Variants in DCAF1 observed in about 807,000 individuals in gnomAD.
DCAF1 encodes DDB1 and CUL4 associated factor 1.
DCAF1 carries 15 observed loss-of-function variants against 128.0 expected under a neutral mutation model. The observed-to-expected ratio is 0.12, with a 90% CI of 0.08 to 0.18. DCAF1 has a LOEUF of 0.18. Ranked by LOEUF, DCAF1 falls within the 10% of genes least tolerant of loss-of-function variation. The probability of loss-of-function intolerance (pLI) is 1.00; values close to 1 mark genes in which losing one functional copy is unlikely to be tolerated. For missense variants in DCAF1, 988 were observed against 1,649.5 expected, an observed-to-expected ratio of 0.60 and a Z score of 6.95; for synonymous variants, 610 against 603.0, an observed-to-expected ratio of 1.01 and a Z score of -0.17.
In DCAF1 at chr3:51,436,572, A is replaced by T. The variant is rs144932504; in HGVS notation, c.1129-3308T>A. Among the ~76,000 whole-genome samples, 523 of 152,280 alleles carry T rather than the reference A, an allele frequency of 3.4e-3. 17 individuals carry two copies. Among genetic ancestry groups the T allele is most frequent in the Admixed American group, 0.031 (480 of 15,276 alleles). Reference sequence around the variant, plus strand: ...CAATAATTTTGAAATGAGTTCTAGGATGTATTTTTCTTCTTGTATCTTTCC... The same window carrying T: ...CAATAATTTTGAAATGAGTTCTAGGTTGTATTTTTCTTCTTGTATCTTTCC... On this transcript the variant is annotated intron_variant, in intron 9 of 24. Coordinates refer to ENST00000684031, the MANE Select transcript of DCAF1 (RefSeq NM_001387579.1).
At chr3:51,412,539 G>A (rs896791334) in intron 22 of DCAF1, 59 bp from the exon 23 acceptor site, 32 of 1,607,880 alleles carry the variant, frequency 2.0e-5, no homozygotes, top group Admixed American at 1.5e-4. Context: ...CCACATCCAC[G>A]CCTCAGCCCT....
chr3:51,413,571 C>T (rs1280639209), intron 20 of DCAF1, among the ~76,000 whole-genome samples, 185 bp from the exon 21 acceptor site: 1 of 152,132 alleles, frequency 6.6e-6, no homozygotes, highest in Admixed American at 6.6e-5. Context: ...CTTGCATATC[C>T]CACCTATTGT....
At chr3:51,417,037 C>T (rs1157967185) in intron 17 of DCAF1, among the ~76,000 whole-genome samples, 166 bp from the exon 18 acceptor site, 1 of 152,122 alleles carries the variant, frequency 6.6e-6, no homozygotes, top group Non-Finnish European at 1.5e-5. Context: ...AAGAAAATTC[C>T]TTCTATCACC....
intron 1 of DCAF1, among the ~76,000 whole-genome samples, chr3:51,499,585 C>A (rs1259042682): frequency 6.6e-6 from 1 of 151,764 alleles, no homozygotes; most frequent in Non-Finnish European, 1.5e-5. Flanking sequence ...GGCGGACACA[C>A]CCCGCCCCCC....
chr3:51,447,001 A>ATAATAATAATAAT (rs1553640365), intron 6 of DCAF1, among the ~76,000 whole-genome samples: 2 of 148,492 alleles, frequency 1.3e-5, no homozygotes, highest in Non-Finnish European at 1.5e-5. Context: ...AATAATAATA[A>ATAATAATAATAAT]AATGTTTTAA....
upstream of DCAF1, among the ~76,000 whole-genome samples, chr3:51,502,358 C>A (rs1708840877): frequency 6.6e-6 from 1 of 152,088 alleles, no homozygotes; most frequent in African/African-American, 2.4e-5. Context: ...CATAGAGAGA[C>A]ACCCCCACCC....
intron 24 of DCAF1, among the ~76,000 whole-genome samples, chr3:51,399,193 G>C (rs1553624189): frequency 6.6e-6 from 1 of 152,160 alleles, no homozygotes; most frequent in East Asian, 1.9e-4. Flanking sequence ...ATGGCCCTTG[G>C]CCTCTGCTGT....
rs889886984 is a variant in DCAF1, at chr3:51,451,398, T to C, written c.376-7495A>G. On this transcript the variant is annotated intron_variant, in intron 6 of 24. Transcript: ENST00000684031. The stretch of plus-strand genomic sequence containing the variant: ...TGGGAAACCAAGCCAGGGAGGATCA[T>C]TTGAGCTCAGGAGTTCAAGACCAGC... Among the ~76,000 whole-genome samples the C allele has an allele frequency of 2.0e-5, 3 of 152,020 alleles. No individual in the cohort carries two copies. The East Asian group carries it at 5.8e-4, about 29-fold the overall frequency.
At chr3:51,471,384 C>T in intron 3 of DCAF1, among the ~76,000 whole-genome samples, 1 of 151,726 alleles carries the variant, frequency 6.6e-6, no homozygotes, top group East Asian at 2.0e-4. Context: ...GGGGTTTCAC[C>T]ATGCTAGCCA....
At chr3:51,401,885 C>T (rs2089727623) in intron 24 of DCAF1, among the ~76,000 whole-genome samples, 1 of 152,224 alleles carries the variant, frequency 6.6e-6, no homozygotes, top group African/African-American at 2.4e-5. Context: ...GCCTACTCCA[C>T]TGAATCACCT....
In DCAF1 at chr3:51,422,320, T is replaced by A. The variant is rs995329849; in HGVS notation, c.1959A>T (p.Thr653=). Residue 653 remains threonine, a synonymous_variant, in exon 14 of 25, where the codon ACA becomes ACT. Coordinates refer to ENST00000684031, the MANE Select transcript of DCAF1 (RefSeq NM_001387579.1). ...AGTACAACCTACCTACAGTAGAGAC[T>A]GTAGATCCAGCCTCATCCAACACGT... ...SVDVLDEAGS[T]VSTVGISIIL... The A allele has an allele frequency of 2.0e-5, 15 of 766,378 alleles. No homozygotes were observed. The African/African-American group carries it at 2.5e-4, about 13-fold the overall frequency. 47.5% of individuals were successfully genotyped at this position (766,378 alleles called of 1,614,324 possible). A position where few individuals can be genotyped will look rare whatever the true frequency, so the allele number is the denominator to read the frequency against.
At chr3:51,456,593 C>G (rs1325809160) in intron 6 of DCAF1, among the ~76,000 whole-genome samples, 1 of 152,240 alleles carries the variant, frequency 6.6e-6, no homozygotes, top group Non-Finnish European at 1.5e-5. Context: ...AGCTTGAGAT[C>G]TGAGAACAGG....
upstream of DCAF1, among the ~76,000 whole-genome samples, chr3:51,501,034 C>G (rs1284817302): frequency 6.6e-6 from 1 of 152,144 alleles, no homozygotes; most frequent in Non-Finnish European, 1.5e-5. Flanking sequence ...CCAGGTTGGT[C>G]TTGAATTTCT....
intron 3 of DCAF1, among the ~76,000 whole-genome samples, chr3:51,474,884 A>C (rs1344101009): frequency 6.7e-6 from 1 of 149,718 alleles, no homozygotes; most frequent in African/African-American, 2.5e-5. Context: ...TCCCAGGTTC[A>C]AGCAGTTCTC....
At chr3:51,447,713 C>T (rs1238613713) in intron 6 of DCAF1, among the ~76,000 whole-genome samples, 10 of 152,038 alleles carry the variant, frequency 6.6e-5, no homozygotes, top group African/African-American at 1.4e-4. Flanking sequence ...TTCGGGAGGC[C>T]GAGGCGGGTG....
At chr3:51,498,076 A>G (rs1708431005) in intron 1 of DCAF1, among the ~76,000 whole-genome samples, 1 of 146,542 alleles carries the variant, frequency 6.8e-6, no homozygotes, top group Admixed American at 6.8e-5. Context: ...AAAAAAAAAA[A>G]AAAAAGCCAG....
At position 51,441,787 on chromosome 3, in the gene DCAF1, A is replaced by G. The variant is rs1701381175; in HGVS notation, c.624T>C (p.Pro208=). ...CCATATCCACAGCCTCCTCATCCAG[A>G]GGCAAAAGGGGTTCAGAAGAGAGCT... ...PRKLSSEPLL[P]LDEEAVDMDY... is the part of the protein sequence containing the mutation. The change falls in exon 8 of 25, where the codon CCT becomes CCC. Residue 208 remains proline (P), a synonymous_variant. Coordinates refer to ENST00000684031, the MANE Select transcript of DCAF1 (RefSeq NM_001387579.1). 6.2e-7 allele frequency: 1 copy of G among 1,613,788 alleles called. No homozygotes were observed. Among genetic ancestry groups the G allele is most frequent in the Non-Finnish European group, 8.5e-7 (1 of 1,179,876 alleles).
chr3:51,407,525 CAG>C (rs1414382368), intron 23 of DCAF1, among the ~76,000 whole-genome samples: 4 of 152,180 alleles, frequency 2.6e-5, no homozygotes, highest in Non-Finnish European at 4.4e-5. Context: ...GAGTGGAAAA[CAG>C]AGAGCATTAT....
chr3:51,418,475 G>A (rs1262209577), intron 16 of DCAF1, among the ~76,000 whole-genome samples: 1 of 152,202 alleles, frequency 6.6e-6, no homozygotes, highest in African/African-American at 2.4e-5. Flanking sequence ...AAAATGAGAA[G>A]ATGTCAAAGA....
Sources: gnomAD v4.1 joint callset for allele counts (sites outside exome capture counted in the v4.1 genomes callset) on GRCh38, gnomAD v4.1.1 for gene constraint, MANE v1.5 for transcripts, NCBI Gene and HGNC (gene_info 2026-07-23, HGNC 2026-07-21) for gene names.